WWOX: variants seen among roughly 807,000 people sequenced by gnomAD.
WWOX encodes the protein WW domain-containing oxidoreductase.
Under a neutral mutation model 46.2 loss-of-function variants are expected in WWOX, and 69 were observed. That is an observed-to-expected ratio of 1.49 (90% confidence interval 1.23 to 1.82). The LOEUF (loss-of-function observed/expected upper bound fraction) is 1.82. Among genes scored for constraint, WWOX ranks in the 40% most tolerant of loss-of-function variants. The probability of loss-of-function intolerance (pLI) is 0.00; values close to 1 mark genes in which losing one functional copy is unlikely to be tolerated. For synonymous variants in WWOX, 359 were observed against 202.6 expected (o/e 1.77, Z -6.56); for missense variants, 919 against 542.6 (o/e 1.69, Z -6.89).
intron 5 of WWOX, among the ~76,000 whole-genome samples, chr16:78,381,749 G>C (rs934431387): frequency 6.6e-6 from 1 of 152,160 alleles, no homozygotes; most frequent in Non-Finnish European, 1.5e-5. Context: ...GAGGATGGAT[G>C]ATTGGATGGA....
chr16:78,593,498 A>G (rs538916945), intron 8 of WWOX, among the ~76,000 whole-genome samples: 1 of 152,232 alleles, frequency 6.6e-6, no homozygotes, highest in South Asian at 2.1e-4. Flanking sequence ...AGAGGTGGGC[A>G]CATGACCCAG....
chr16:78,141,430 C>CT (rs10639685), intron 4 of WWOX, among the ~76,000 whole-genome samples: 43,080 of 118,756 alleles, frequency 0.36, 8,329 homozygotes, highest in East Asian at 0.52. Context: ...CATCCCCCTT[C>CT]TTTTTTTTTT....
At chr16:78,838,215 G>A (rs1041003488) in intron 8 of WWOX, among the ~76,000 whole-genome samples, 2 of 152,100 alleles carry the variant, frequency 1.3e-5, no homozygotes, top group Admixed American at 1.3e-4. Flanking sequence ...TGCAAAGCAG[G>A]GTACGTGGAG....
chr16:78,503,684 C>T (rs963377879), intron 8 of WWOX: 1 of 152,156 alleles, frequency 6.6e-6, no homozygotes, highest in Admixed American at 6.5e-5. Flanking sequence ...CATGATTTCA[C>T]CACCAGGGGG....
At chr16:78,170,453 A>G (rs2035118718) in intron 5 of WWOX, among the ~76,000 whole-genome samples, 1 of 152,106 alleles carries the variant, frequency 6.6e-6, no homozygotes, top group Non-Finnish European at 1.5e-5. Flanking sequence ...CAATAATAAT[A>G]TTTTCTTCAC....
rs558496916 is a variant in WWOX at position 78,388,724 on chromosome 16, C to G, written c.605+1776C>G. ...GTGGCTCACGCCTGTAATCCCAGCA[C>G]TTTGTGAGGCCGAGGTGGGCGGATC... On this transcript the variant is annotated intron_variant, in intron 6 of 8. Coordinates refer to ENST00000566780, the MANE Select transcript of WWOX (RefSeq NM_016373.4). Among the ~76,000 whole-genome samples the G allele has an allele frequency of 3.7e-3, 553 of 148,376 alleles. 2 individuals carry two copies. The highest frequency in any genetic ancestry group is 6.5e-3 in the Admixed American group (97 of 14,900).
intron 8 of WWOX, among the ~76,000 whole-genome samples, chr16:78,633,410 C>T (rs1238110573): frequency 2.6e-5 from 4 of 152,186 alleles, no homozygotes; most frequent in Admixed American, 1.3e-4. Flanking sequence ...CCCTCTCCAC[C>T]CTTCCTGTCT....
chr16:78,579,561 G>C (rs1302655229), intron 8 of WWOX, among the ~76,000 whole-genome samples: 4 of 152,156 alleles, frequency 2.6e-5, no homozygotes, highest in Non-Finnish European at 5.9e-5. Context: ...GTGCGCCAGA[G>C]ACTGCGGAAG....
intron 5 of WWOX, among the ~76,000 whole-genome samples, chr16:78,368,829 C>T (rs574211630): frequency 2.6e-5 from 4 of 152,276 alleles, no homozygotes; most frequent in South Asian, 2.1e-4. Flanking sequence ...GAGCCAGATT[C>T]GAATGTGGCC....
chr16:78,736,797 C>G lies in WWOX; in HGVS notation c.1056+304045C>G, dbSNP rs188493745. The stretch of plus-strand genomic sequence containing the variant: ...AAATTTTTAAAAATTTTTTTAGACA[C>G]TGAGTCTCACCGTCTTGCCCTGGCT... On this transcript the variant is annotated intron_variant, in intron 8 of 8. Coordinates refer to ENST00000566780, the MANE Select transcript of WWOX (RefSeq NM_016373.4). Among the ~76,000 whole-genome samples the G allele has an allele frequency of 1.2e-4, 19 of 152,258 alleles. No individual in the cohort carries two copies. In the East Asian group the frequency reaches 3.3e-3, roughly 26 times the overall value.
Position 78,119,829 on chromosome 16 carries a change from A to G in WWOX, c.409+4675A>G, listed in dbSNP as rs1276535735. Among the ~76,000 whole-genome samples, 3 of 152,276 alleles carry G rather than the reference A, an allele frequency of 2.0e-5. No homozygotes were observed. The South Asian group carries it at 6.2e-4, about 32-fold the overall frequency. On this transcript the variant is annotated intron_variant, in intron 4 of 8. Coordinates refer to ENST00000566780, the MANE Select transcript of WWOX (RefSeq NM_016373.4). ...TACTCTTCTGTGGTAATGATGATAA[A>G]ACTTCTTAACTTTCAGTCCTAAACC... is the stretch of plus-strand genomic sequence containing the variant.
intron 8 of WWOX, among the ~76,000 whole-genome samples, chr16:78,859,848 T>C (rs63354362): frequency 6.9e-6 from 1 of 144,658 alleles, no homozygotes; most frequent in Admixed American, 7.0e-5. Flanking sequence ...ATTTTTTTTT[T>C]AAAGACATTA....
At chr16:79,118,413 A>G (rs114448208) in intron 8 of WWOX, among the ~76,000 whole-genome samples, 2,005 of 152,326 alleles carry the variant, frequency 0.013, 26 homozygotes, top group Non-Finnish European at 0.02. Context: ...CAAAACTGAT[A>G]TAATAATAAT....
intron 8 of WWOX, among the ~76,000 whole-genome samples, chr16:79,176,323 C>G (rs1353566117): frequency 6.6e-6 from 1 of 152,194 alleles, no homozygotes; most frequent in African/African-American, 2.4e-5. Context: ...ATATCTGCAT[C>G]CAGTCATCTG....
chr16:78,823,150 G>A (rs1421874157), intron 8 of WWOX, among the ~76,000 whole-genome samples: 4 of 152,188 alleles, frequency 2.6e-5, no homozygotes, highest in African/African-American at 7.2e-5. Flanking sequence ...TAATACTCCG[G>A]CCTTTCAGCC....
chr16:78,365,456 C>T (rs981207091), intron 5 of WWOX, among the ~76,000 whole-genome samples: 3 of 152,106 alleles, frequency 2.0e-5, no homozygotes, highest in African/African-American at 4.8e-5. Flanking sequence ...AACTGTGGTT[C>T]CCAACAAGGC....
intron 8 of WWOX, among the ~76,000 whole-genome samples, chr16:78,555,825 A>C (rs899868754): frequency 6.6e-6 from 1 of 152,146 alleles, no homozygotes; most frequent in Non-Finnish European, 1.5e-5. Flanking sequence ...AGCCATGCCA[A>C]TAAGAAAAAT....
At chr16:78,280,451 A>G (rs547887695) in intron 5 of WWOX, among the ~76,000 whole-genome samples, 100 of 152,338 alleles carry the variant, frequency 6.6e-4, no homozygotes, top group African/African-American at 2.3e-3. Flanking sequence ...TAGGATATGT[A>G]TTAGGCTGTT....
At chr16:78,649,908 G>T (rs982826766) in intron 8 of WWOX, among the ~76,000 whole-genome samples, 3 of 152,180 alleles carry the variant, frequency 2.0e-5, no homozygotes, top group African/African-American at 7.2e-5. Flanking sequence ...ATCCAAATCT[G>T]TGTCTGTGTT....
Sources: gnomAD v4.1 joint callset for allele counts (sites outside exome capture counted in the v4.1 genomes callset) on GRCh38, gnomAD v4.1.1 for gene constraint, MANE v1.5 for transcripts, NCBI Gene and HGNC (gene_info 2026-07-23, HGNC 2026-07-21) for gene names.